SPMIP3: variants seen among roughly 807,000 people sequenced by gnomAD.
SPMIP3 encodes the protein sperm microtubule inner protein 3.
chr1:244,384,800 G>C, the SPMIP3 span, among the ~76,000 whole-genome samples: 34 of 152,338 alleles, frequency 2.2e-4, no homozygotes, highest in East Asian at 6.5e-3. Context: ...TGGTCTGCAA[G>C]AGGCCTGACA....
chr1:244,377,809 G>T, the SPMIP3 span, among the ~76,000 whole-genome samples: 8 of 152,172 alleles, frequency 5.3e-5, no homozygotes, highest in African/African-American at 1.9e-4. Flanking sequence ...CAGTTGTATT[G>T]ATTCCTATTT....
At chr1:244,386,719 A>G in the SPMIP3 span, among the ~76,000 whole-genome samples, 4 of 152,198 alleles carry the variant, frequency 2.6e-5, no homozygotes, top group Non-Finnish European at 2.9e-5. Context: ...ATCCTCAAAG[A>G]TCTCATTTCT....
chr1:244,364,975 G>A, the SPMIP3 span, among the ~76,000 whole-genome samples: 1 of 152,198 alleles, frequency 6.6e-6, no homozygotes, highest in Non-Finnish European at 1.5e-5. Context: ...GACAAATCCA[G>A]TTTCTTACAA....
chr1:244,382,696 C>G, the SPMIP3 span, among the ~76,000 whole-genome samples: 13 of 150,882 alleles, frequency 8.6e-5, no homozygotes, highest in African/African-American at 3.2e-4. Flanking sequence ...CTCCACCTCC[C>G]GGGTTCAAGC....
the SPMIP3 span, among the ~76,000 whole-genome samples, chr1:244,363,172 G>A: frequency 3.9e-5 from 6 of 152,076 alleles, no homozygotes; most frequent in Admixed American, 3.3e-4. Flanking sequence ...TTGAGAGGCC[G>A]AGGTGGGTGG....
the SPMIP3 span, among the ~76,000 whole-genome samples, chr1:244,368,528 C>G: frequency 3.3e-5 from 5 of 152,322 alleles, no homozygotes; most frequent in Admixed American, 3.3e-4. Flanking sequence ...CCAGGTTAGC[C>G]CTCCAGGCAG....
the SPMIP3 span, among the ~76,000 whole-genome samples, chr1:244,377,467 G>A: frequency 1.1e-4 from 16 of 152,290 alleles, no homozygotes; most frequent in African/African-American, 1.9e-4. Context: ...ATATTTCTGC[G>A]TCATTGTCTA....
chr1:244,378,440 C>T, the SPMIP3 span: 2 of 1,582,664 alleles, frequency 1.3e-6, no homozygotes, highest in South Asian at 2.3e-5. Context: ...ACTGGCTTTT[C>T]AGCAAACTAC....
At chr1:244,374,587 CTTTTTTTTTTTTTTT>C in the SPMIP3 span, among the ~76,000 whole-genome samples, 1 of 74,616 alleles carries the variant, frequency 1.3e-5, no homozygotes, top group South Asian at 5.6e-4. Flanking sequence ...CCACATTTCT[CTTTTTTTTTTTTTTT>C]TTTTTTTTTT....
At chr1:244,386,003 AACACACACACACAC>A in the SPMIP3 span, among the ~76,000 whole-genome samples, 10 of 145,646 alleles carry the variant, frequency 6.9e-5, no homozygotes, top group East Asian at 2.0e-4. Context: ...ATCTCTACAA[AACACACACACACAC>A]ACACACACAC....
At chr1:244,367,378 G>A in the SPMIP3 span, among the ~76,000 whole-genome samples, 1 of 152,170 alleles carries the variant, frequency 6.6e-6, no homozygotes, top group Non-Finnish European at 1.5e-5. Context: ...CAGAGAGCAG[G>A]GGGAGGCAAT....
chr1:244,361,076 T>C, the SPMIP3 span, among the ~76,000 whole-genome samples: 2 of 151,472 alleles, frequency 1.3e-5, no homozygotes, highest in African/African-American at 4.9e-5. Flanking sequence ...AGTAGAATGA[T>C]GGTTAGCAGA....
the SPMIP3 span, among the ~76,000 whole-genome samples, chr1:244,372,822 C>T: frequency 6.6e-6 from 1 of 152,324 alleles, no homozygotes; most frequent in South Asian, 2.1e-4. Context: ...GCATCACAAA[C>T]TCAATAAAGT....
chr1:244,358,625 G>A, the SPMIP3 span, among the ~76,000 whole-genome samples: 477 of 92,658 alleles, frequency 5.1e-3, 4 homozygotes, highest in African/African-American at 0.015. Flanking sequence ...GTGTGTGTGT[G>A]TATATATATA....
chr1:244,380,771 G>T, the SPMIP3 span, among the ~76,000 whole-genome samples: 23 of 152,222 alleles, frequency 1.5e-4, no homozygotes, highest in Admixed American at 5.2e-4. Context: ...AGATGGCCTG[G>T]GCTGGGCCCC....
chr1:244,373,447 G>T, the SPMIP3 span, among the ~76,000 whole-genome samples: 1 of 148,846 alleles, frequency 6.7e-6, no homozygotes, highest in Non-Finnish European at 1.5e-5. Flanking sequence ...AGGCTACAGT[G>T]AGCTATGATC....
chr1:244,361,472 G>A, the SPMIP3 span, among the ~76,000 whole-genome samples: 56,999 of 151,516 alleles, frequency 0.38, 11,601 homozygotes, highest in Non-Finnish European at 0.48. Flanking sequence ...CAAGTCATCT[G>A]CCCACCTCGG....
the SPMIP3 span, among the ~76,000 whole-genome samples, chr1:244,388,074 C>T: frequency 6.6e-6 from 1 of 151,794 alleles, no homozygotes; most frequent in Non-Finnish European, 1.5e-5. Context: ...ATTACAGGCA[C>T]CTGCCACCAC....
At chr1:244,377,123 A>ATTT in the SPMIP3 span, among the ~76,000 whole-genome samples, 2 of 145,534 alleles carry the variant, frequency 1.4e-5, no homozygotes, top group Non-Finnish European at 1.5e-5. Flanking sequence ...GCATCACTTT[A>ATTT]TTTTTATTTT....
Sources: gnomAD v4.1 joint callset for allele counts (sites outside exome capture counted in the v4.1 genomes callset) on GRCh38, gnomAD v4.1.1 for gene constraint, MANE v1.5 for transcripts, NCBI Gene and HGNC (gene_info 2026-07-23, HGNC 2026-07-21) for gene names.